Variants in CPNE8 observed in about 807,000 individuals in gnomAD.
CPNE8 encodes the protein copine-8.
A neutral mutation model predicts 81.5 loss-of-function variants in CPNE8; 45 were observed. The observed-to-expected ratio is 0.55, with a 90% confidence interval of 0.44 to 0.71. The LOEUF is 0.71. Ranked by LOEUF, CPNE8 falls within the 30% of genes least tolerant of loss-of-function variation. CPNE8 has a pLI of 0.00. For missense variants in CPNE8, 594 were observed against 672.1 expected (o/e 0.88, Z 1.28); for synonymous variants, 252 against 226.3 (o/e 1.11, Z -1.02).
chr12:38,745,562 A>C (rs1355602589), intron 10 of CPNE8, among the ~76,000 whole-genome samples: 1 of 152,208 alleles, frequency 6.6e-6, no homozygotes, highest in Admixed American at 6.5e-5. Context: ...AGTTTGTTTG[A>C]GACAGGGTCT....
chr12:38,821,356 T>C lies in CPNE8; in HGVS notation c.407+8023A>G, dbSNP rs1003194169. Among the ~76,000 whole-genome samples the C allele has an allele frequency of 3.3e-5, 5 of 152,210 alleles. No individual in the cohort carries two copies. The South Asian group carries it at 1.0e-3, about 32-fold the overall frequency. ...TAGTAAAGATTTGTTGAATATATTA[T>C]TTTTAAAAAACACAATCCCTAAAAC... On this transcript the variant is annotated intron_variant, in intron 6 of 19. Transcript: ENST00000331366.
chr12:38,658,100 C>G (rs1344249640), intron 19 of CPNE8, among the ~76,000 whole-genome samples: 1 of 152,042 alleles, frequency 6.6e-6, no homozygotes, highest in Non-Finnish European at 1.5e-5. Flanking sequence ...ATAAACTTCT[C>G]CGAGTTAAAA....
chr12:38,676,374 CT>C, intron 17 of CPNE8: 1 of 878,216 alleles, frequency 1.1e-6, no homozygotes, highest in Non-Finnish European at 1.4e-6. Context: ...CTTCCACTTT[CT>C]ACTCTCAGAC....
At chr12:38,760,749 G>A (rs1361877249) in intron 10 of CPNE8, 98 bp downstream of exon 10, 1 of 918,074 alleles carries the variant, frequency 1.1e-6, no homozygotes, top group South Asian at 1.4e-5. Context: ...AAACAAATAT[G>A]CCATCTAAAA....
chr12:38,657,537 C>T (rs574965012), intron 19 of CPNE8, among the ~76,000 whole-genome samples: 74 of 152,296 alleles, frequency 4.9e-4, no homozygotes, highest in South Asian at 1.9e-3. Context: ...TCTCCCAGCA[C>T]GGCGTTTGAG....
At position 38,883,096 on chromosome 12, in the gene CPNE8, A is replaced by C. The variant is rs367729044; in HGVS notation, c.99-8585T>G. On this transcript the variant is annotated intron_variant, in intron 1 of 19. Transcript: ENST00000331366. ...AGGCGCTGAGCTGGGCATTTAAATA[A>C]ATCATTTCACTTAACCCTCACCATA... Among the ~76,000 whole-genome samples, 19 of 152,354 alleles carry C rather than the reference A, an allele frequency of 1.2e-4. No individual in the cohort carries two copies. In the East Asian group the frequency reaches 2.3e-3, roughly 19 times the overall value.
chr12:38,799,067 C>T (rs952614805), intron 6 of CPNE8, among the ~76,000 whole-genome samples: 1 of 152,162 alleles, frequency 6.6e-6, no homozygotes, highest in Non-Finnish European at 1.5e-5. Flanking sequence ...CAGTGACCTA[C>T]AAAGAGACTT....
chr12:38,830,570 C>G, intron 5 of CPNE8, among the ~76,000 whole-genome samples: 1 of 152,158 alleles, frequency 6.6e-6, no homozygotes, highest in East Asian at 1.9e-4. Context: ...TTGCCCTGTT[C>G]TAAAACAAGG....
intron 5 of CPNE8, 84 bp downstream of exon 5, chr12:38,839,832 A>T: frequency 8.3e-7 from 1 of 1,200,526 alleles, no homozygotes; most frequent in Non-Finnish European, 1.1e-6. Flanking sequence ...AACTTAATAG[A>T]TGTATAACTT....
intron 3 of CPNE8, among the ~76,000 whole-genome samples, chr12:38,872,116 T>C (rs1592147999): frequency 6.6e-6 from 1 of 151,818 alleles, no homozygotes; most frequent in East Asian, 1.9e-4. Flanking sequence ...GCCTGAGCAA[T>C]AAGAGTGAAA....
At chr12:38,862,226 G>A (rs188652976) in intron 3 of CPNE8, among the ~76,000 whole-genome samples, 71 of 151,740 alleles carry the variant, frequency 4.7e-4, no homozygotes, top group Admixed American at 9.2e-4. Flanking sequence ...TGTAACTGTA[G>A]GTCAAATTAG....
At chr12:38,732,384 A>G (rs1940851541) in intron 10 of CPNE8, among the ~76,000 whole-genome samples, 1 of 151,908 alleles carries the variant, frequency 6.6e-6, no homozygotes, top group Admixed American at 6.6e-5. Context: ...CAAACTACAC[A>G]TTGACTTGCC....
chr12:38,816,602 A>G (rs1323201793), intron 6 of CPNE8, among the ~76,000 whole-genome samples: 1 of 152,246 alleles, frequency 6.6e-6, no homozygotes, highest in Non-Finnish European at 1.5e-5. Flanking sequence ...AGTATGAAAG[A>G]AAGGGGAGAA....
At chr12:38,867,679 T>G (rs987576847) in intron 3 of CPNE8, among the ~76,000 whole-genome samples, 10 of 152,188 alleles carry the variant, frequency 6.6e-5, no homozygotes, top group Non-Finnish European at 1.2e-4. Flanking sequence ...AAGAAATTAG[T>G]TGGAACATTC....
At chr12:38,859,552 T>A (rs139611222) in intron 3 of CPNE8, among the ~76,000 whole-genome samples, 232 of 152,254 alleles carry the variant, frequency 1.5e-3, no homozygotes, top group African/African-American at 5.4e-3. Context: ...TAATGACATT[T>A]TTTATAAAAA....
chr12:38,659,583 A>G (rs1938903318), intron 19 of CPNE8, among the ~76,000 whole-genome samples: 1 of 152,200 alleles, frequency 6.6e-6, no homozygotes, highest in Non-Finnish European at 1.5e-5. Flanking sequence ...CTCTAAATCA[A>G]CAGAATACAC....
At chr12:38,831,920 C>T (rs1592126186) in intron 5 of CPNE8, among the ~76,000 whole-genome samples, 4 of 152,286 alleles carry the variant, frequency 2.6e-5, no homozygotes, top group Admixed American at 1.3e-4. Context: ...AATGGAGTAG[C>T]GAGTCTCAGT....
chr12:38,791,200 G>A (rs771279319), intron 6 of CPNE8, among the ~76,000 whole-genome samples: 1 of 151,500 alleles, frequency 6.6e-6, no homozygotes. Context: ...TTCTTAAGGA[G>A]TCACTTGAAC....
chr12:38,877,458 T>C (rs952795474), intron 1 of CPNE8, among the ~76,000 whole-genome samples: 1 of 152,062 alleles, frequency 6.6e-6, no homozygotes, highest in African/African-American at 2.4e-5. Flanking sequence ...GTAACTTTGT[T>C]CCTACCATTT....
Sources: gnomAD v4.1 joint callset for allele counts (sites outside exome capture counted in the v4.1 genomes callset) on GRCh38, gnomAD v4.1.1 for gene constraint, MANE v1.5 for transcripts, NCBI Gene and HGNC (gene_info 2026-07-23, HGNC 2026-07-21) for gene names.